The following MOB1B variants were observed in gnomAD, a reference collection of about 807,000 sequenced individuals.
MOB1B encodes MOB1 Mps One Binder homolog B.
Under a neutral mutation model 24.4 loss-of-function variants are expected in MOB1B, and 19 were observed. The ratio of observed to expected loss-of-function variants is 0.78; its 90% CI spans 0.54 to 1.14. MOB1B has a LOEUF of 1.14. MOB1B is among the 50% of genes most tolerant of loss of function. The pLI is 0.00. For synonymous variants in MOB1B, 76 were observed against 82.1 expected, an observed-to-expected ratio of 0.93 and a Z score of 0.40; for missense variants, 243 against 259.6, an observed-to-expected ratio of 0.94 and a Z score of 0.44.
Position 70,903,740 on chromosome 4 carries a change from A to AT in MOB1B, c.14+1201dup, listed in dbSNP as rs533278919. Among the ~76,000 whole-genome samples, 332 of 147,502 alleles carry AT rather than the reference A, an allele frequency of 2.3e-3. 1 individual carries two copies. Among genetic ancestry groups the AT allele is most frequent in the African/African-American group, 4.4e-3 (177 of 40,494 alleles). On this transcript the variant is annotated intron_variant, in intron 1 of 5. Transcript: ENST00000309395. Reference sequence around the variant, plus strand: ...TTATTTTCACATGCTCACATCTAGAATTTTTTTTTTTAGGGTGTTTAAGCA... The same window carrying AT: ...TTATTTTCACATGCTCACATCTAGAATTTTTTTTTTTTAGGGTGTTTAAGCA...
At chr4:70,976,309 C>G in intron 4 of MOB1B, 1 of 984,908 alleles carries the variant, frequency 1.0e-6, no homozygotes, top group Non-Finnish European at 1.2e-6. Context: ...TAGGGAAGTT[C>G]ATATGGCTTC....
chr4:70,908,774 TAA>T lies in MOB1B; in HGVS notation c.14+6235_14+6236del, dbSNP rs3063712. Among the ~76,000 whole-genome samples the T allele has an allele frequency of 5.7e-3, 816 of 142,484 alleles. 20 individuals carry two copies. Among genetic ancestry groups the T allele is most frequent in the Admixed American group, 0.035 (492 of 14,112 alleles). 93.5% of individuals were successfully genotyped at this position (142,484 alleles called of 152,430 possible). ...TGGGCAACACAGTGAGACTTCGTCT[TAA>T]AAAAAAAAAAGATTAGCAATTTAGC... On this transcript the variant is annotated intron_variant, in intron 1 of 5. Transcript: ENST00000309395.
At chr4:70,942,191 T>A (rs1256919545) in intron 1 of MOB1B, among the ~76,000 whole-genome samples, 1 of 152,090 alleles carries the variant, frequency 6.6e-6, no homozygotes, top group Non-Finnish European at 1.5e-5. Context: ...TCAGCTGCAT[T>A]TGAAGTTAGA....
intron 1 of MOB1B, among the ~76,000 whole-genome samples, chr4:70,903,043 T>G (rs1436961278): frequency 6.6e-6 from 1 of 152,150 alleles, no homozygotes. Flanking sequence ...CTCTCTCGTC[T>G]TAGGGCTGGG....
At chr4:70,924,000 T>C (rs1216057632) in intron 1 of MOB1B, among the ~76,000 whole-genome samples, 1 of 149,902 alleles carries the variant, frequency 6.7e-6, no homozygotes, top group Non-Finnish European at 1.5e-5. Context: ...CAGTATAACT[T>C]AGTGGAAATG....
At chr4:70,904,457 T>C (rs1735658019) in intron 1 of MOB1B, among the ~76,000 whole-genome samples, 1 of 152,018 alleles carries the variant, frequency 6.6e-6, no homozygotes, top group Admixed American at 6.6e-5. Context: ...TTGTGTCTAG[T>C]AAGCTAAATT....
At position 70,967,016 on chromosome 4, in the gene MOB1B, T is replaced by C. The variant is rs141798796; in HGVS notation, c.182-2915T>C. Among the ~76,000 whole-genome samples, 5 of 152,366 alleles carry C rather than the reference T, an allele frequency of 3.3e-5. No homozygotes were observed. The East Asian group carries it at 9.6e-4, about 29-fold the overall frequency. On this transcript the variant is annotated intron_variant, in intron 2 of 5. Coordinates refer to ENST00000309395, the MANE Select transcript of MOB1B (RefSeq NM_173468.4). ...GTTATCAAGTAATAGATGAGAACTTTCTTCTGATAAAGCATACCTATTTGC... is the reference window on the plus strand; with the variant it reads ...GTTATCAAGTAATAGATGAGAACTTCCTTCTGATAAAGCATACCTATTTGC...
chr4:70,934,496 C>T (rs1267749255), intron 1 of MOB1B, among the ~76,000 whole-genome samples: 1 of 151,916 alleles, frequency 6.6e-6, no homozygotes, highest in Non-Finnish European at 1.5e-5. Flanking sequence ...TCTGTCACTC[C>T]AGGCTGGAGT....
At chr4:70,963,867 A>G (rs891729524) in intron 2 of MOB1B, among the ~76,000 whole-genome samples, 8 of 152,254 alleles carry the variant, frequency 5.3e-5, no homozygotes, top group South Asian at 4.1e-4. Context: ...AAACACACCA[A>G]TGTGTCAAGA....
Position 70,982,168 on chromosome 4 carries a change from C to T in MOB1B, c.*111C>T, listed in dbSNP as rs1217569851. ...ATTGTTTTTGTCCTAGGTTTGGGGG[C>T]GGGGGCTTGTTTGGGTTCCTTTTTC... On this transcript the variant is annotated 3_prime_UTR_variant, in exon 6 of 6. Transcript: ENST00000309395. The T allele has an allele frequency of 2.3e-5, 16 of 692,628 alleles. No homozygotes were observed. Among genetic ancestry groups the T allele is most frequent in the Middle Eastern group, 2.4e-4 (1 of 4,094 alleles). The allele number at this position is 692,628 out of a possible 1,614,324, so 42.9% of individuals were successfully genotyped here. A position where few individuals can be genotyped will look rare whatever the true frequency, so the allele number is the denominator to read the frequency against.
At chr4:70,973,919 A>G (rs1297690560) in intron 3 of MOB1B, among the ~76,000 whole-genome samples, 1 of 152,158 alleles carries the variant, frequency 6.6e-6, no homozygotes, top group East Asian at 1.9e-4. Context: ...AAAATACCCT[A>G]TAGTATTTTT....
intron 1 of MOB1B, among the ~76,000 whole-genome samples, chr4:70,910,294 G>T (rs536616993): frequency 6.6e-6 from 1 of 152,058 alleles, no homozygotes; most frequent in South Asian, 2.1e-4. Flanking sequence ...GCCTGCCTCG[G>T]CCTCCCAAAG....
rs200975081 is a variant in MOB1B at position 70,971,094 on chromosome 4, T to C, written c.275+1070T>C. On this transcript the variant is annotated intron_variant, in intron 3 of 5. Transcript: ENST00000309395. ...TCTTCTGTGGACTTTGTATGGGGTTTGTAGTTGCAGGTGCATCTTTTGTTC... is the reference window on the plus strand; with the variant it reads ...TCTTCTGTGGACTTTGTATGGGGTTCGTAGTTGCAGGTGCATCTTTTGTTC... Among the ~76,000 whole-genome samples the C allele has an allele frequency of 9.2e-5, 14 of 152,376 alleles. No individual in the cohort carries two copies. The East Asian group carries it at 2.1e-3, about 23-fold the overall frequency.
intron 1 of MOB1B, among the ~76,000 whole-genome samples, chr4:70,923,873 G>A (rs1015905130): frequency 6.7e-6 from 1 of 150,260 alleles, no homozygotes; most frequent in Non-Finnish European, 1.5e-5. Flanking sequence ...CATGAACCTG[G>A]GAGACAGAGC....
At chr4:70,923,089 G>A (rs747879555) in intron 1 of MOB1B, among the ~76,000 whole-genome samples, 4 of 152,084 alleles carry the variant, frequency 2.6e-5, no homozygotes, top group East Asian at 1.9e-4. Flanking sequence ...CATTAATCAG[G>A]CCCCCTGCTT....
At position 70,981,997 on chromosome 4, in the gene MOB1B, TAGA is replaced by T. The variant is rs1157893205; in HGVS notation, c.595_597del (p.Arg199del). 2 of 1,610,326 alleles carry T rather than the reference TAGA, an allele frequency of 1.2e-6. No homozygotes were observed. Among genetic ancestry groups the T allele is most frequent in the Non-Finnish European group, 1.7e-6 (2 of 1,177,030 alleles). ...ATGCATAGGAATTCAACCTTATTGATAGAAGAGAACTTGCACCACTCCAAGAAC... is the reference window on the plus strand; with the variant it reads ...ATGCATAGGAATTCAACCTTATTGATAGAGAACTTGCACCACTCCAAGAAC... On this transcript the variant is annotated inframe_deletion, in exon 6 of 6. Transcript: ENST00000309395.
At chr4:70,958,274 C>T (rs914724629) in intron 1 of MOB1B, among the ~76,000 whole-genome samples, 3 of 151,910 alleles carry the variant, frequency 2.0e-5, no homozygotes, top group East Asian at 1.9e-4. Context: ...AAGCGATTCT[C>T]CTGCCTCAGC....
At chr4:70,907,205 C>G (rs1735784024) in intron 1 of MOB1B, among the ~76,000 whole-genome samples, 1 of 152,150 alleles carries the variant, frequency 6.6e-6, no homozygotes, top group Admixed American at 6.6e-5. Context: ...GGGGCAAAAT[C>G]ACCAACTTGA....
At chr4:70,905,971 G>T (rs891149596) in intron 1 of MOB1B, among the ~76,000 whole-genome samples, 1 of 152,098 alleles carries the variant, frequency 6.6e-6, no homozygotes, top group Non-Finnish European at 1.5e-5. Context: ...GGGGGCTGAG[G>T]TGGAAGGGTC....
Sources: allele counts gnomAD v4.1 joint callset (sites outside exome capture counted in the v4.1 genomes callset), GRCh38; gene constraint gnomAD v4.1.1; transcripts MANE v1.5; gene names NCBI Gene and HGNC (gene_info 2026-07-23, HGNC 2026-07-21).